Variants in SGIP1 observed in about 807,000 individuals in gnomAD.
SGIP1 encodes the protein SH3-containing GRB2-like protein 3-interacting protein 1.
A neutral mutation model predicts 107.5 loss-of-function variants in SGIP1; 38 were observed. That is an observed-to-expected ratio of 0.35 (90% confidence interval 0.27 to 0.46). SGIP1 has a LOEUF of 0.46. SGIP1 is among the 20% of genes least tolerant of loss of function. The pLI, the probability that SGIP1 is intolerant of heterozygous loss-of-function variation, is 1.00. For synonymous variants in SGIP1, 365 were observed against 366.1 expected (o/e 1.00, Z 0.03); for missense variants, 929 against 1,019.5 (o/e 0.91, Z 1.21).
At chr1:66,681,727 A>T in intron 14 of SGIP1, 142 bp from the exon 15 acceptor site, 1 of 785,964 alleles carries the variant, frequency 1.3e-6, no homozygotes, top group East Asian at 2.7e-5. Flanking sequence ...CTCCTAATCC[A>T]ATAAAGATAT....
At chr1:66,566,431 A>G (rs973283499) in intron 1 of SGIP1, among the ~76,000 whole-genome samples, 1 of 151,998 alleles carries the variant, frequency 6.6e-6, no homozygotes, top group Non-Finnish European at 1.5e-5. Flanking sequence ...CAAGAAAAGA[A>G]TGCACTTTTT....
chr1:66,546,180 C>T (rs2056350177), intron 1 of SGIP1, among the ~76,000 whole-genome samples: 1 of 152,150 alleles, frequency 6.6e-6, no homozygotes, highest in Admixed American at 6.5e-5. Flanking sequence ...TTCCTGGATG[C>T]CAGGCAATAC....
At chr1:66,580,094 A>C (rs1485278709) in intron 1 of SGIP1, among the ~76,000 whole-genome samples, 1 of 152,100 alleles carries the variant, frequency 6.6e-6, no homozygotes, top group African/African-American at 2.4e-5. Flanking sequence ...CCCCATTTCT[A>C]TGAGTTACCT....
At chr1:66,650,390 T>C (rs957586061) in intron 7 of SGIP1, among the ~76,000 whole-genome samples, 1 of 152,184 alleles carries the variant, frequency 6.6e-6, no homozygotes, top group Non-Finnish European at 1.5e-5. Flanking sequence ...ACAAAATATA[T>C]GTTGAGCACC....
rs143072832 is a variant in SGIP1, at chr1:66,566,885, C to T, written c.10+32517C>T. ...TTGCCCCCCACCCCCTAACAGGGTC[C>T]GGTGTGTGATGTTCCCCTCCCTGTG... is the stretch of plus-strand genomic sequence containing the variant. On this transcript the variant is annotated intron_variant, in intron 1 of 24. Coordinates refer to ENST00000371037, the MANE Select transcript of SGIP1 (RefSeq NM_032291.4). Among the ~76,000 whole-genome samples, 488 of 151,972 alleles carry T rather than the reference C, an allele frequency of 3.2e-3. 5 individuals are homozygous for T. The highest frequency in any genetic ancestry group is 0.011 in the African/African-American group (445 of 41,452).
intron 17 of SGIP1, chr1:66,695,231 G>C: frequency 9.5e-7 from 1 of 1,053,404 alleles, no homozygotes; most frequent in Non-Finnish European, 1.3e-6. Context: ...CCATAGCTTT[G>C]CTTTTGCTTT....
At chr1:66,661,209 C>T (rs1355821589) in intron 8 of SGIP1, among the ~76,000 whole-genome samples, 1 of 152,152 alleles carries the variant, frequency 6.6e-6, no homozygotes, top group Non-Finnish European at 1.5e-5. Context: ...TTCTTGGTTG[C>T]CTGGTTTGTT....
intron 18 of SGIP1, among the ~76,000 whole-genome samples, chr1:66,713,464 A>G (rs1257878901): frequency 2.0e-5 from 3 of 152,178 alleles, no homozygotes; most frequent in Non-Finnish European, 4.4e-5. Context: ...ATAAAGCCAT[A>G]TTAGTGTTTG....
intron 18 of SGIP1, among the ~76,000 whole-genome samples, chr1:66,710,800 A>C (rs1253891264): frequency 6.6e-6 from 1 of 152,174 alleles, no homozygotes; most frequent in Non-Finnish European, 1.5e-5. Flanking sequence ...TTGTCAGTTT[A>C]GAATTTAACA....
At chr1:66,710,925 A>C (rs2092874360) in intron 18 of SGIP1, among the ~76,000 whole-genome samples, 1 of 152,180 alleles carries the variant, frequency 6.6e-6, no homozygotes, top group Admixed American at 6.5e-5. Flanking sequence ...TAAAACTCTC[A>C]ATTAATTCTG....
intron 7 of SGIP1, among the ~76,000 whole-genome samples, chr1:66,658,940 G>T (rs1361315671): frequency 6.6e-6 from 1 of 152,156 alleles, no homozygotes; most frequent in African/African-American, 2.4e-5. Context: ...GGGAGAGGGA[G>T]AAGCAGCATG....
At chr1:66,651,860 A>G (rs1178859874) in intron 7 of SGIP1, among the ~76,000 whole-genome samples, 1 of 152,216 alleles carries the variant, frequency 6.6e-6, no homozygotes, top group Non-Finnish European at 1.5e-5. Context: ...AATGATGTCC[A>G]TTTTATATGG....
chr1:66,675,461 A>G (rs186431572), intron 12 of SGIP1, among the ~76,000 whole-genome samples: 4 of 147,662 alleles, frequency 2.7e-5, no homozygotes. Context: ...TCCCTTTTGT[A>G]TCTACTCATT....
At chr1:66,546,820 A>T (rs2056487831) in intron 1 of SGIP1, among the ~76,000 whole-genome samples, 1 of 152,204 alleles carries the variant, frequency 6.6e-6, no homozygotes, top group Non-Finnish European at 1.5e-5. Context: ...TTTCTTTATT[A>T]GTTATGAGGA....
chr1:66,722,790 A>G (rs183885924), intron 19 of SGIP1, among the ~76,000 whole-genome samples: 109 of 152,262 alleles, frequency 7.2e-4, no homozygotes, highest in African/African-American at 2.5e-3. Flanking sequence ...ATCCTGGTTC[A>G]GTTTCCCAAT....
rs926986540 is a variant in SGIP1, at chr1:66,743,293, T to C, written c.*198T>C. ...GTCCTACAGTATTTACTTCTAGGTG[T>C]AATATTGTTAATGGTTTTAAAATGT... is the stretch of plus-strand genomic sequence containing the variant. On this transcript the variant is annotated 3_prime_UTR_variant, in exon 25 of 25. Coordinates refer to ENST00000371037, the MANE Select transcript of SGIP1 (RefSeq NM_032291.4). The C allele has an allele frequency of 6.4e-6, 3 of 472,024 alleles. No homozygotes were observed. The highest frequency in any genetic ancestry group is 3.9e-5 in the African/African-American group (2 of 50,694). 29.2% of individuals were successfully genotyped at this position (472,024 alleles called of 1,614,324 possible).
chr1:66,553,093 G>A (rs1195684383), intron 1 of SGIP1, among the ~76,000 whole-genome samples: 2 of 152,078 alleles, frequency 1.3e-5, no homozygotes, highest in African/African-American at 4.8e-5. Context: ...ATGCTGGGAC[G>A]ACAGCTCCAT....
rs2094574848 is a variant in SGIP1 at position 66,747,952 on chromosome 1, T to C, written c.*4857T>C. On this transcript the variant is annotated 3_prime_UTR_variant, in exon 25 of 25. Transcript: ENST00000371037. ...TATCAAAACAAGAGTGATCTCTAAATATAGCTTTGAAAGTTAATATAATAT... is the reference window on the plus strand; with the variant it reads ...TATCAAAACAAGAGTGATCTCTAAACATAGCTTTGAAAGTTAATATAATAT... The C allele has an allele frequency of 6.6e-6, 1 of 151,974 alleles. No individual in the cohort carries two copies. Among genetic ancestry groups the C allele is most frequent in the African/African-American group, 2.4e-5 (1 of 41,428 alleles). The allele number at this position is 151,974 out of a possible 1,614,324, so 9.4% of individuals were successfully genotyped here. A position where few individuals can be genotyped will look rare whatever the true frequency, so the allele number is the denominator to read the frequency against.
intron 1 of SGIP1, among the ~76,000 whole-genome samples, chr1:66,582,070 A>C (rs1481352064): frequency 6.6e-6 from 1 of 152,084 alleles, no homozygotes; most frequent in African/African-American, 2.4e-5. Flanking sequence ...TAACAGGATC[A>C]GTCAGAATCC....
Sources: allele counts gnomAD v4.1 joint callset (sites outside exome capture counted in the v4.1 genomes callset), GRCh38; gene constraint gnomAD v4.1.1; transcripts MANE v1.5; gene names NCBI Gene and HGNC (gene_info 2026-07-23, HGNC 2026-07-21).